CISD3: variants seen among roughly 807,000 people sequenced by gnomAD.
The protein encoded by CISD3 is CDGSH iron-sulfur domain-containing protein 3, mitochondrial.
Under a neutral mutation model 14.1 loss-of-function variants are expected in CISD3, and 11 were observed. The ratio of observed to expected loss-of-function variants is 0.78; its 90% confidence interval spans 0.49 to 1.29. The LOEUF (loss-of-function observed/expected upper bound fraction) is 1.29. Among genes scored for constraint, CISD3 ranks in the 50% most tolerant of loss-of-function variants. The pLI is 0.00. For missense variants in CISD3, 156 were observed against 171.6 expected (o/e 0.91, Z 0.51); for synonymous variants, 53 against 69.2 (o/e 0.77, Z 1.16).
intron 3 of CISD3, 100 bp from the exon 4 acceptor site, chr17:38,733,176 C>T: frequency 8.6e-7 from 1 of 1,156,166 alleles, no homozygotes; most frequent in Non-Finnish European, 1.2e-6. Flanking sequence ...GAGCCTGTAC[C>T]CTAACCACTG....
intron 2 of CISD3, 140 bp downstream of exon 2, chr17:38,730,935 G>A (rs1480542436): frequency 3.3e-6 from 3 of 910,290 alleles, no homozygotes; most frequent in South Asian, 1.6e-5. Context: ...GAGGTGGGGC[G>A]GACCAGAGGG....
At chr17:38,733,248 T>G in intron 3 of CISD3, 28 bp from the exon 4 acceptor site, 1 of 1,550,496 alleles carries the variant, frequency 6.4e-7, no homozygotes, top group Non-Finnish European at 8.7e-7. Flanking sequence ...TGGGGTCAGG[T>G]CTTTGACTCC....
chr17:38,733,454 G>A lies in CISD3; in HGVS notation c.383G>A (p.Ter128=), dbSNP rs1223384252. The change falls in exon 4 of 4, where the codon TGA becomes TAA. Residue 128 remains the stop codon, a stop_retained_variant. Transcript: ENST00000613478. The part of the protein sequence containing the change: ...VQKAEVGSPL[*] The stretch of plus-strand genomic sequence containing the variant: ...AAGGCAGAAGTGGGCTCCCCACTCT[G>A]AGGGGGCTGCTGCTGTCCAGCCACA... 2.6e-6 allele frequency: 4 copies of A among 1,525,476 alleles called. No individual in the cohort carries two copies. Among genetic ancestry groups the A allele is most frequent in the Non-Finnish European group, 3.5e-6 (4 of 1,131,208 alleles). The allele number at this position is 1,525,476 out of a possible 1,614,324, so 94.5% of individuals were successfully genotyped here. A position where few individuals can be genotyped will look rare whatever the true frequency, so the allele number is the denominator to read the frequency against.
intron 2 of CISD3, chr17:38,731,061 G>A (rs963149924): frequency 2.0e-5 from 13 of 635,556 alleles, no homozygotes; most frequent in Middle Eastern, 4.1e-4. Context: ...TCCCTAGCAC[G>A]CAGGTGGGAG....
chr17:38,732,938 G>GACACACACACACACACACAC (rs148830489), intron 3 of CISD3, among the ~76,000 whole-genome samples: 15 of 116,572 alleles, frequency 1.3e-4, no homozygotes, highest in African/African-American at 4.3e-4. Context: ...GAGACTCAGA[G>GACACACACACACACACACAC]ACACACACAC....
chr17:38,735,299 CAGTT>C lies in CISD3; in HGVS notation c.*1845_*1848del. The C allele has an allele frequency of 6.6e-7, 1 of 1,510,192 alleles. No homozygotes were observed. 93.5% of individuals were successfully genotyped at this position (1,510,192 alleles called of 1,614,324 possible). The stretch of plus-strand genomic sequence containing the variant: ...GCTGGTGGAGGATGGTGTCTGCAGG[CAGTT>C]CAAGCTACCCCCGTTGGCAGCTGTG... On this transcript the variant is annotated 3_prime_UTR_variant, in exon 4 of 4. Coordinates refer to ENST00000613478, the MANE Select transcript of CISD3 (RefSeq NM_001136498.2).
Position 38,731,449 on chromosome 17 carries a change from CT to C in CISD3, c.204+11del. On this transcript the variant is annotated intron_variant, in intron 3 of 3. Coordinates refer to ENST00000613478, the MANE Select transcript of CISD3 (RefSeq NM_001136498.2). ...CCGCAGCAAGAAGCAGGTGAGACCCCTGTCTGCCTTCCTACTGATACCTCTG... is the reference window on the plus strand; with the variant it reads ...CCGCAGCAAGAAGCAGGTGAGACCCCGTCTGCCTTCCTACTGATACCTCTG... The C allele has an allele frequency of 6.5e-7, 1 of 1,536,536 alleles. No individual in the cohort carries two copies. The highest frequency in any genetic ancestry group is 8.8e-7 in the Non-Finnish European group (1 of 1,136,118).
chr17:38,734,375 C>G lies in CISD3; in HGVS notation c.*920C>G, dbSNP rs1906509499. On this transcript the variant is annotated 3_prime_UTR_variant, in exon 4 of 4. Coordinates refer to ENST00000613478, the MANE Select transcript of CISD3 (RefSeq NM_001136498.2). ...CCCCAGGTGAGACTCCACCACCAGT[C>G]CTGCTAGTGAGGGTTCCCCGGTGAG... is the stretch of plus-strand genomic sequence containing the variant. 2.0e-5 allele frequency: 3 copies of G among 152,528 alleles called. No individual in the cohort carries two copies. The South Asian group carries it at 6.2e-4, about 32-fold the overall frequency. The allele number at this position is 152,528 out of a possible 1,614,324, so 9.4% of individuals were successfully genotyped here.
intron 3 of CISD3, 102 bp downstream of exon 3, chr17:38,731,541 C>T (rs1239971621): frequency 2.8e-6 from 4 of 1,440,842 alleles, no homozygotes; most frequent in Admixed American, 2.1e-5. Context: ...CCCACACATA[C>T]CTGAGGGACA....
rs780938961 is a variant in CISD3 at position 38,733,421 on chromosome 17, G to A, written c.350G>A (p.Arg117His). 40 of 1,547,536 alleles carry A rather than the reference G, an allele frequency of 2.6e-5. No individual in the cohort carries two copies. Among genetic ancestry groups the A allele is most frequent in the African/African-American group, 4.1e-5 (3 of 72,980 alleles). The part of the protein sequence containing the change: ...PYCDGTHRSE[R>H]VQKAEVGSPL Reference sequence around the variant, plus strand: ...TGCGATGGCACCCACAGGAGTGAGCGCGTGCAGAAGGCAGAAGTGGGCTCC... The same window carrying A: ...TGCGATGGCACCCACAGGAGTGAGCACGTGCAGAAGGCAGAAGTGGGCTCC... Residue 117 changes from arginine (R) to histidine (H), a missense_variant, in exon 4 of 4, where the codon CGC becomes CAC. Arg to His is a conservative substitution (Grantham distance 29). Transcript: ENST00000613478.
chr17:38,730,479 C>A, intron 1 of CISD3, 73 bp downstream of exon 1: 2 of 1,166,992 alleles, frequency 1.7e-6, no homozygotes, highest in Non-Finnish European at 2.3e-6. Context: ...CACTCCAGCC[C>A]CGGCCCGGCC....
chr17:38,730,607 T>G, intron 1 of CISD3, 153 bp from the exon 2 acceptor site: 1 of 879,672 alleles, frequency 1.1e-6, no homozygotes, highest in Non-Finnish European at 1.8e-6. Flanking sequence ...TCTTGCGACC[T>G]TTTTCTTACC....
Position 38,733,699 on chromosome 17 carries a change from G to A in CISD3, c.*244G>A. The stretch of plus-strand genomic sequence containing the variant: ...ACAAGCCTGCCCAACCAGACTGGTA[G>A]TCCTGCAGTCACTGCTATGAGGCCC... On this transcript the variant is annotated 3_prime_UTR_variant, in exon 4 of 4. Transcript: ENST00000613478. The A allele has an allele frequency of 2.0e-6, 1 of 510,592 alleles. No individual in the cohort carries two copies. The highest frequency in any genetic ancestry group is 3.4e-6 in the Non-Finnish European group (1 of 291,418). 31.6% of individuals were successfully genotyped at this position (510,592 alleles called of 1,614,324 possible). A position where few individuals can be genotyped will look rare whatever the true frequency, so the allele number is the denominator to read the frequency against.
In CISD3 at chr17:38,730,814, C is replaced by T; in HGVS notation, c.84+19C>T. On this transcript the variant is annotated intron_variant, in intron 2 of 3. Coordinates refer to ENST00000613478, the MANE Select transcript of CISD3 (RefSeq NM_001136498.2). The stretch of plus-strand genomic sequence containing the variant: ...CTGGCTGGTGAGTCCCCCCATCCTC[C>T]CCTCCTCCTCGCACAAGACCCCCAG... 1 of 1,550,834 alleles carries T rather than the reference C, an allele frequency of 6.4e-7. No individual in the cohort carries two copies. Among genetic ancestry groups the T allele is most frequent in the Non-Finnish European group, 8.7e-7 (1 of 1,146,154 alleles).
chr17:38,735,333 C>A lies in CISD3; in HGVS notation c.*1878C>A. The stretch of plus-strand genomic sequence containing the variant: ...CTACCCCCGTTGGCAGCTGTGGTGG[C>A]CCCACTGGCTGTCGAAGGGGGAGTG... On this transcript the variant is annotated 3_prime_UTR_variant, in exon 4 of 4. Coordinates refer to ENST00000613478, the MANE Select transcript of CISD3 (RefSeq NM_001136498.2). The A allele has an allele frequency of 6.4e-7, 1 of 1,550,774 alleles. No individual in the cohort carries two copies. The highest frequency in any genetic ancestry group is 8.7e-7 in the Non-Finnish European group (1 of 1,144,000).
chr17:38,731,344 G>A lies in CISD3; in HGVS notation c.109G>A (p.Ala37Thr). The A allele has an allele frequency of 6.4e-7, 1 of 1,551,552 alleles. No homozygotes were observed. Among genetic ancestry groups the A allele is most frequent in the East Asian group, 2.4e-5 (1 of 40,920 alleles). Residue 37 changes from alanine to threonine, a missense_variant, in exon 3 of 4, where the codon GCC becomes ACC. Physicochemically the swap from Ala to Thr is moderately conservative, Grantham distance 58. Coordinates refer to ENST00000613478, the MANE Select transcript of CISD3 (RefSeq NM_001136498.2). ...GGCCCAGTGGTTCCCTAGAACCCCAGCCAGGTCCGTGGTGGCCCTGAAGAC... is the reference window on the plus strand; with the variant it reads ...GGCCCAGTGGTTCCCTAGAACCCCAACCAGGTCCGTGGTGGCCCTGAAGAC... ...WLAQWFPRTP[A>T]RSVVALKTPI...
Position 38,730,358 on chromosome 17 carries a change from C to A in CISD3, c.-1C>A. 8.6e-7 allele frequency: 1 copy of A among 1,162,728 alleles called. No individual in the cohort carries two copies. The highest frequency in any genetic ancestry group is 1.1e-6 in the Non-Finnish European group (1 of 944,158). 72.0% of individuals were successfully genotyped at this position (1,162,728 alleles called of 1,614,324 possible). A position where few individuals can be genotyped will look rare whatever the true frequency, so the allele number is the denominator to read the frequency against. On this transcript the variant is annotated 5_prime_UTR_variant, in exon 1 of 4. Coordinates refer to ENST00000613478, the MANE Select transcript of CISD3 (RefSeq NM_001136498.2). ...GGGCGGGCGCGGCGCGGGAGGCGACCATGCGCGGCGCGGGGGCGATCCTGC... is the reference window on the plus strand; with the variant it reads ...GGGCGGGCGCGGCGCGGGAGGCGACAATGCGCGGCGCGGGGGCGATCCTGC...
chr17:38,733,255 C>T, intron 3 of CISD3, 21 bp from the exon 4 acceptor site: 2 of 1,551,060 alleles, frequency 1.3e-6, no homozygotes, highest in Non-Finnish European at 1.7e-6. Flanking sequence ...AGGTCTTTGA[C>T]TCCTGTCTTT....
rs912324081 is a variant in CISD3, at chr17:38,733,961, A to G, written c.*506A>G. 4.5e-5 allele frequency: 7 copies of G among 154,846 alleles called. No homozygotes were observed. The highest frequency in any genetic ancestry group is 8.6e-5 in the Non-Finnish European group (6 of 69,832). The allele number at this position is 154,846 out of a possible 1,614,324, so 9.6% of individuals were successfully genotyped here. On this transcript the variant is annotated 3_prime_UTR_variant, in exon 4 of 4. Coordinates refer to ENST00000613478, the MANE Select transcript of CISD3 (RefSeq NM_001136498.2). ...GATGTCCCAGGGCAAAGGAGGGTAC[A>G]GTCACAGGACCTCAGACACAGGACA...
Sources: allele counts gnomAD v4.1 joint callset (sites outside exome capture counted in the v4.1 genomes callset), GRCh38; gene constraint gnomAD v4.1.1; transcripts MANE v1.5; gene names NCBI Gene and HGNC (gene_info 2026-07-23, HGNC 2026-07-21).